The following ICA1L variants were observed in gnomAD, a reference collection of about 807,000 sequenced individuals.
ICA1L encodes islet cell autoantigen 1-like protein.
In ICA1L, 50 loss-of-function variants were observed where a neutral mutation model predicts 61.3. The observed-to-expected ratio is 0.82, with a 90% confidence interval of 0.65 to 1.03. The LOEUF is 1.03. Among genes scored for constraint, ICA1L ranks in the 50% least tolerant of loss-of-function variants. The pLI, the probability that ICA1L is intolerant of heterozygous loss-of-function variation, is 0.00. For missense variants in ICA1L, 508 were observed against 556.7 expected, an observed-to-expected ratio of 0.91 and a Z score of 0.88; for synonymous variants, 161 against 191.3, an observed-to-expected ratio of 0.84 and a Z score of 1.31.
intron 1 of ICA1L, among the ~76,000 whole-genome samples, chr2:202,856,923 A>T (rs1694783730): frequency 6.6e-6 from 1 of 152,226 alleles, no homozygotes; most frequent in Admixed American, 6.5e-5. Flanking sequence ...ACAAGTTACA[A>T]GGGATGTGAA....
intron 10 of ICA1L, among the ~76,000 whole-genome samples, chr2:202,791,829 G>A (rs1692764612): frequency 6.6e-6 from 1 of 151,562 alleles, no homozygotes; most frequent in South Asian, 2.1e-4. Flanking sequence ...TGGGCAACAA[G>A]AGCAAAACTC....
chr2:202,863,819 C>T (rs1213785606), intron 1 of ICA1L, among the ~76,000 whole-genome samples: 2 of 146,068 alleles, frequency 1.4e-5, no homozygotes, highest in Non-Finnish European at 3.0e-5. Context: ...AGAGAGACTC[C>T]GTCTCAAAAA....
Position 202,843,589 on chromosome 2 carries a change from T to A in ICA1L, c.-7-14573A>T, listed in dbSNP as rs148829929. Among the ~76,000 whole-genome samples, 239 of 152,204 alleles carry A rather than the reference T, an allele frequency of 1.6e-3. 2 individuals are homozygous for A. Among genetic ancestry groups the A allele is most frequent in the Non-Finnish European group, 1.2e-3 (81 of 68,020 alleles). ...ACAGAACTCAGGCCTGATGCACAAA[T>A]GTGTGGAGGTACTGCAGTTCTGAGT... On this transcript the variant is annotated intron_variant, in intron 1 of 12. Transcript: ENST00000358299.
chr2:202,828,733 T>A lies in ICA1L; in HGVS notation c.162+115A>T, dbSNP rs1188585628. 28 of 809,256 alleles carry A rather than the reference T, an allele frequency of 3.5e-5. 1 individual carries two copies. The East Asian group carries it at 7.3e-4, about 21-fold the overall frequency. The allele number at this position is 809,256 out of a possible 1,614,324, so 50.1% of individuals were successfully genotyped here. A position where few individuals can be genotyped will look rare whatever the true frequency, so the allele number is the denominator to read the frequency against. On this transcript the variant is annotated intron_variant, in intron 2 of 12. Transcript: ENST00000358299. ...CAGATGGATACAACTAAACATTCTA[T>A]TATCAAATTTGCATTTATCCTCATA...
In ICA1L at chr2:202,791,715, G is replaced by A. The variant is rs566411304; in HGVS notation, c.986-2628C>T. Among the ~76,000 whole-genome samples, 14 of 151,902 alleles carry A rather than the reference G, an allele frequency of 9.2e-5. No homozygotes were observed. In the South Asian group the frequency reaches 1.0e-3, roughly 11 times the overall value. ...TACAAAATTAGCCAGGCGTGGTGGC[G>A]CATGCCTGTAATCCCAGCTACTCAG... On this transcript the variant is annotated intron_variant, in intron 10 of 12. Transcript: ENST00000358299.
intron 1 of ICA1L, among the ~76,000 whole-genome samples, chr2:202,863,137 C>G (rs1312442243): frequency 6.6e-6 from 1 of 151,624 alleles, no homozygotes; most frequent in Non-Finnish European, 1.5e-5. Flanking sequence ...ACTAAAAATA[C>G]AAAAATTAGC....
intron 10 of ICA1L, among the ~76,000 whole-genome samples, chr2:202,789,732 C>T (rs992960543): frequency 1.2e-4 from 19 of 152,138 alleles, no homozygotes; most frequent in African/African-American, 3.9e-4. Flanking sequence ...AATGGACTTT[C>T]GGAAAAATAA....
Position 202,779,551 on chromosome 2 carries a change from A to C in ICA1L, c.1431T>G (p.Asp477Glu). ...ACTTCAGTCAAGCATTAAGAAGTTC[A>C]TCATCTGAGTGTCCAATAGCATCTG... ...SNPDAIGHSD[D>E]ELLNA is the part of the protein sequence containing the mutation. Residue 477 changes from aspartate (D) to glutamate (E), a missense_variant, in exon 13 of 13, where the codon GAT (aspartate) becomes GAG (glutamate). Transcript: ENST00000358299. 1 of 1,606,410 alleles carries C rather than the reference A, an allele frequency of 6.2e-7. No homozygotes were observed. The highest frequency in any genetic ancestry group is 8.5e-7 in the Non-Finnish European group (1 of 1,174,262).
In ICA1L at chr2:202,814,854, G is replaced by A; in HGVS notation, c.784-70C>T. 7.7e-6 allele frequency: 8 copies of A among 1,036,942 alleles called. No homozygotes were observed. In the South Asian group the frequency reaches 9.7e-5, roughly 13 times the overall value. The allele number at this position is 1,036,942 out of a possible 1,614,324, so 64.2% of individuals were successfully genotyped here. On this transcript the variant is annotated intron_variant, in intron 7 of 12. Transcript: ENST00000358299. The stretch of plus-strand genomic sequence containing the variant: ...TTCTTCTTCTCTGCAAAGAAAATGA[G>A]AATATAAATTCTAAAGAACCATATG...
chr2:202,819,262 T>G (rs1201723801), intron 5 of ICA1L, among the ~76,000 whole-genome samples: 6 of 152,246 alleles, frequency 3.9e-5, no homozygotes, highest in Admixed American at 1.3e-4. Flanking sequence ...TGTTCATACA[T>G]AGTTACTTAG....
chr2:202,845,941 A>G (rs1694452634), intron 1 of ICA1L, among the ~76,000 whole-genome samples: 1 of 152,228 alleles, frequency 6.6e-6, no homozygotes, highest in African/African-American at 2.4e-5. Flanking sequence ...GCTGTTTAAC[A>G]TAGTAGTCCT....
chr2:202,871,003 G>A (rs1371619489), intron 1 of ICA1L: 2 of 152,236 alleles, frequency 1.3e-5, no homozygotes, highest in Admixed American at 6.5e-5. Flanking sequence ...CCGGCCTAAG[G>A]AGCAGGATCT....
At chr2:202,859,198 A>C (rs1694844632) in intron 1 of ICA1L, among the ~76,000 whole-genome samples, 3 of 152,232 alleles carry the variant, frequency 2.0e-5, no homozygotes, top group African/African-American at 7.2e-5. Context: ...TCTGCCCCTC[A>C]AACTGCCCTA....
intron 1 of ICA1L, among the ~76,000 whole-genome samples, chr2:202,860,676 C>T (rs768344340): frequency 6.6e-6 from 1 of 150,926 alleles, no homozygotes; most frequent in Non-Finnish European, 1.5e-5. Flanking sequence ...TGCTTGAACC[C>T]GGGACACGGA....
chr2:202,783,896 G>A (rs981077963), intron 12 of ICA1L, among the ~76,000 whole-genome samples: 3 of 151,262 alleles, frequency 2.0e-5, no homozygotes, highest in Non-Finnish European at 2.9e-5. Flanking sequence ...AAATTTATAT[G>A]TATATGATGG....
intron 4 of ICA1L, among the ~76,000 whole-genome samples, chr2:202,820,877 A>T (rs894989819): frequency 6.6e-6 from 1 of 152,222 alleles, no homozygotes. Context: ...TAGTAATTAC[A>T]GGAGATTCTT....
At chr2:202,800,332 C>G (rs575589387) in intron 9 of ICA1L, among the ~76,000 whole-genome samples, 1 of 152,184 alleles carries the variant, frequency 6.6e-6, no homozygotes. Context: ...ATCAAAACAG[C>G]GCTGTCTTGT....
chr2:202,864,185 A>G (rs983391981), intron 1 of ICA1L, among the ~76,000 whole-genome samples: 1 of 152,178 alleles, frequency 6.6e-6, no homozygotes, highest in Non-Finnish European at 1.5e-5. Flanking sequence ...TCATTTTATG[A>G]GCCAGCATAA....
chr2:202,808,333 A>G (rs1048152443), intron 9 of ICA1L, among the ~76,000 whole-genome samples: 3 of 152,196 alleles, frequency 2.0e-5, no homozygotes, highest in African/African-American at 4.8e-5. Context: ...AGCGATAGCC[A>G]GGCAGTACCT....
Sources: gnomAD v4.1 joint callset for allele counts (sites outside exome capture counted in the v4.1 genomes callset) on GRCh38, gnomAD v4.1.1 for gene constraint, MANE v1.5 for transcripts, NCBI Gene and HGNC (gene_info 2026-07-23, HGNC 2026-07-21) for gene names.